The following CAPZB variants were observed in gnomAD, a reference collection of about 807,000 sequenced individuals.
CAPZB encodes the protein capping actin protein of muscle Z-line subunit beta, also known as F-actin-capping protein subunit beta.
In CAPZB, 2 loss-of-function variants were observed where a neutral mutation model predicts 38.1. The observed-to-expected ratio is 0.05, with a 90% CI of 0.02 to 0.17. CAPZB has a LOEUF of 0.17. Among genes scored for constraint, CAPZB ranks in the 10% least tolerant of loss-of-function variants. The pLI is 1.00. For synonymous variants in CAPZB, 107 were observed against 127.4 expected (o/e 0.84, Z 1.08); for missense variants, 161 against 334.2 (o/e 0.48, Z 4.04).
chr1:19,378,970 G>A (rs531025287), intron 3 of CAPZB, among the ~76,000 whole-genome samples: 5 of 152,206 alleles, frequency 3.3e-5, no homozygotes, highest in East Asian at 1.9e-4. Context: ...ACACAGGGTC[G>A]TCATGAGAAA....
At chr1:19,442,296 G>A (rs2094480013) in intron 1 of CAPZB, among the ~76,000 whole-genome samples, 1 of 152,166 alleles carries the variant, frequency 6.6e-6, no homozygotes, top group South Asian at 2.1e-4. Context: ...GACTGCTCAT[G>A]ACAATTACAC....
chr1:19,411,662 C>T (rs765202553), intron 2 of CAPZB, among the ~76,000 whole-genome samples: 5 of 151,336 alleles, frequency 3.3e-5, no homozygotes, highest in Admixed American at 6.6e-5. Flanking sequence ...GGCAATTAAT[C>T]GCATTCTTAA....
chr1:19,466,629 A>G (rs1261512212), intron 1 of CAPZB, among the ~76,000 whole-genome samples: 2 of 152,128 alleles, frequency 1.3e-5, no homozygotes, highest in Non-Finnish European at 2.9e-5. Flanking sequence ...ATAGTTCAAC[A>G]TCACCCAGCA....
chr1:19,395,985 A>T (rs1182200887), intron 2 of CAPZB, among the ~76,000 whole-genome samples: 2 of 152,168 alleles, frequency 1.3e-5, no homozygotes, highest in Non-Finnish European at 2.9e-5. Flanking sequence ...AGCATCCTGC[A>T]TGTCTATCCA....
At chr1:19,412,876 A>G (rs60242920) in intron 2 of CAPZB, among the ~76,000 whole-genome samples, 9,408 of 152,294 alleles carry the variant, frequency 0.062, 942 homozygotes, top group African/African-American at 0.21. Flanking sequence ...CACAGCTGCC[A>G]GTTATCCTGT....
chr1:19,421,913 A>T (rs886070420), intron 1 of CAPZB, among the ~76,000 whole-genome samples: 2 of 152,064 alleles, frequency 1.3e-5, no homozygotes, highest in Admixed American at 6.6e-5. Context: ...ACAGCTTTTA[A>T]ATCTTTTTAA....
At position 19,404,543 on chromosome 1, in the gene CAPZB, T is replaced by TAA. The variant is rs11356951; in HGVS notation, c.93+15116_93+15117dup. Among the ~76,000 whole-genome samples the TAA allele has an allele frequency of 9.7e-3, 1,236 of 127,936 alleles. 51 individuals carry two copies. The East Asian group carries it at 0.1, about 11-fold the overall frequency. 83.9% of individuals were successfully genotyped at this position (127,936 alleles called of 152,430 possible). Reference sequence around the variant, plus strand: ...TGGGTGACAGAGCAAAACTCCATGTTAAAAAAAAAAAAAAAAAAAAAGAGG... The same window carrying TAA: ...TGGGTGACAGAGCAAAACTCCATGTTAAAAAAAAAAAAAAAAAAAAAAAGAGG... On this transcript the variant is annotated intron_variant, in intron 2 of 8. Transcript: ENST00000264202.
chr1:19,341,766 C>A (rs1055404491), intron 8 of CAPZB, among the ~76,000 whole-genome samples: 2 of 152,202 alleles, frequency 1.3e-5, no homozygotes, highest in Non-Finnish European at 2.9e-5. Context: ...TGACCCGAGT[C>A]GTGGGCCTTA....
At position 19,356,550 on chromosome 1, in the gene CAPZB, G is replaced by T. The variant is rs2094021929; in HGVS notation, c.588+85C>A. On this transcript the variant is annotated intron_variant, in intron 6 of 8. Coordinates refer to ENST00000264202, the MANE Select transcript of CAPZB (RefSeq NM_004930.5). This position sits in a 1 kb window ranked among gnomAD's most constrained non-coding sequence, Gnocchi z 4.3. The stretch of plus-strand genomic sequence containing the variant: ...GGCTGAACATGCTTACCCTAAATGG[G>T]GCACCTGCTCACTCATCTCTGCAGG... 6 of 859,294 alleles carry T rather than the reference G, an allele frequency of 7.0e-6. No homozygotes were observed. The South Asian group carries it at 7.9e-5, about 11-fold the overall frequency. 53.2% of individuals were successfully genotyped at this position (859,294 alleles called of 1,614,324 possible).
At chr1:19,470,187 G>A (rs2094582324) in intron 1 of CAPZB, among the ~76,000 whole-genome samples, 1 of 152,154 alleles carries the variant, frequency 6.6e-6, no homozygotes, top group African/African-American at 2.4e-5. Flanking sequence ...CCACTGCACT[G>A]TAGCCTGAGC....
intron 1 of CAPZB, among the ~76,000 whole-genome samples, chr1:19,452,113 AC>A (rs948756326): frequency 6.6e-6 from 1 of 150,774 alleles, no homozygotes; most frequent in Non-Finnish European, 1.5e-5. Context: ...CTCACTGCCC[AC>A]CCCCTGCAGT....
At chr1:19,397,253 A>G (rs1329589486) in intron 2 of CAPZB, among the ~76,000 whole-genome samples, 1 of 152,250 alleles carries the variant, frequency 6.6e-6, no homozygotes, top group African/African-American at 2.4e-5. Flanking sequence ...GAACTATCAA[A>G]GTTATGATTG....
intron 4 of CAPZB, among the ~76,000 whole-genome samples, chr1:19,368,234 C>A (rs1355228576): frequency 6.6e-6 from 1 of 152,148 alleles, no homozygotes; most frequent in Admixed American, 6.5e-5. Flanking sequence ...GGCTGCCTGG[C>A]CATCCTGAGA....
intron 6 of CAPZB, among the ~76,000 whole-genome samples, chr1:19,349,898 C>T (rs761389107): frequency 2.0e-5 from 3 of 152,192 alleles, no homozygotes; most frequent in Admixed American, 6.5e-5. Context: ...AGGGTCGGCT[C>T]GGTGGCAATA....
intron 4 of CAPZB, among the ~76,000 whole-genome samples, chr1:19,363,749 C>CA (rs532930980): frequency 6.1e-4 from 93 of 152,250 alleles, no homozygotes; most frequent in African/African-American, 2.2e-3. Flanking sequence ...CACGGGGCTG[C>CA]AAATCTAACA....
Position 19,366,311 on chromosome 1 carries a change from A to ATATATATATATAT in CAPZB, c.330-8749_330-8748insATATATATATATA, listed in dbSNP as rs1558189927. Among the ~76,000 whole-genome samples, 215 of 63,118 alleles carry ATATATATATATAT rather than the reference A, an allele frequency of 3.4e-3. 13 individuals carry two copies. Among genetic ancestry groups the ATATATATATATAT allele is most frequent in the African/African-American group, 0.011 (176 of 15,336 alleles). The allele number at this position is 63,118 out of a possible 152,430, so 41.4% of individuals were successfully genotyped here. On this transcript the variant is annotated intron_variant, in intron 4 of 8. Transcript: ENST00000264202. ...ATATATATATATATATATATATATA[A>ATATATATATATAT]ATAAAATAAATGGTCATGAGGGACA...
chr1:19,384,986 C>A (rs762157479), intron 3 of CAPZB, among the ~76,000 whole-genome samples: 1 of 152,138 alleles, frequency 6.6e-6, no homozygotes, highest in African/African-American at 2.4e-5. Flanking sequence ...GGTGATCAGA[C>A]ACCCAGGGCA....
intron 1 of CAPZB, among the ~76,000 whole-genome samples, chr1:19,482,858 G>T (rs113241213): frequency 2.0e-5 from 3 of 152,146 alleles, no homozygotes; most frequent in Admixed American, 1.3e-4. Context: ...CATCTACACC[G>T]GCTTAATGGT....
intron 1 of CAPZB, among the ~76,000 whole-genome samples, chr1:19,426,901 C>A (rs2094424863): frequency 6.6e-6 from 1 of 152,194 alleles, no homozygotes; most frequent in African/African-American, 2.4e-5. Flanking sequence ...GGGGAGACAG[C>A]CTGACCAGAG....
Sources: gnomAD v4.1 joint callset for allele counts (sites outside exome capture counted in the v4.1 genomes callset) on GRCh38, gnomAD v4.1.1 for gene constraint, Gnocchi (gnomAD v3.1) non-coding constraint, MANE v1.5 for transcripts, NCBI Gene and HGNC (gene_info 2026-07-23, HGNC 2026-07-21) for gene names.